Variants in GATAD2B observed in about 807,000 individuals in gnomAD.
GATAD2B encodes transcriptional repressor p66-beta.
Under a neutral mutation model 64.3 loss-of-function variants are expected in GATAD2B, and 8 were observed. The observed-to-expected ratio is 0.12, with a 90% confidence interval of 0.07 to 0.22. The LOEUF (loss-of-function observed/expected upper bound fraction) is 0.22. GATAD2B is among the 10% of genes least tolerant of loss of function. The probability of loss-of-function intolerance (pLI) is 1.00; values close to 1 mark genes in which losing one functional copy is unlikely to be tolerated. For missense variants in GATAD2B, 453 were observed against 752.0 expected (o/e 0.60, Z 4.65); for synonymous variants, 281 against 271.3 (o/e 1.04, Z -0.35).
intron 1 of GATAD2B, among the ~76,000 whole-genome samples, chr1:153,885,539 T>C (rs938982134): frequency 6.6e-6 from 1 of 151,936 alleles, no homozygotes; most frequent in Non-Finnish European, 1.5e-5. Context: ...CTGGCCAACA[T>C]GGTGAAACCC....
At chr1:153,847,077 G>A (rs1246558256) in intron 1 of GATAD2B, among the ~76,000 whole-genome samples, 1 of 150,298 alleles carries the variant, frequency 6.7e-6, no homozygotes, top group Non-Finnish European at 1.5e-5. Flanking sequence ...AGTGATTCTT[G>A]TGCCTCAGCC....
At chr1:153,876,042 T>A (rs1245563643) in intron 1 of GATAD2B, among the ~76,000 whole-genome samples, 1 of 151,162 alleles carries the variant, frequency 6.6e-6, no homozygotes, top group South Asian at 2.1e-4. Flanking sequence ...GCGTGGCCAA[T>A]ATGGTGAAAC....
intron 1 of GATAD2B, chr1:153,890,549 C>A (rs980631203): frequency 2.6e-5 from 4 of 151,430 alleles, no homozygotes; most frequent in Non-Finnish European, 4.4e-5. Flanking sequence ...GCCAGCCTGG[C>A]AGCTGCTCTT....
chr1:153,827,928 C>A, intron 2 of GATAD2B, 85 bp downstream of exon 2: 1 of 916,272 alleles, frequency 1.1e-6, no homozygotes, highest in Non-Finnish European at 1.7e-6. Flanking sequence ...GGATGAAAAA[C>A]ACCCTCCTCT....
chr1:153,896,679 G>A lies in GATAD2B; in HGVS notation c.-2+26054C>T, dbSNP rs1234673509. ...TCCAATTCCCAACCTCAGGTGATCC[G>A]CCTGGCTCGGCCTCCCAAAGTGCTG... On this transcript the variant is annotated intron_variant, in intron 1 of 10. Transcript: ENST00000368655. Among the ~76,000 whole-genome samples the A allele has an allele frequency of 5.3e-5, 8 of 152,112 alleles. 1 individual carries two copies. Among genetic ancestry groups the A allele is most frequent in the East Asian group, 3.9e-4 (2 of 5,166 alleles).
At chr1:153,912,962 G>A (rs1040047341) in intron 1 of GATAD2B, among the ~76,000 whole-genome samples, 2 of 152,060 alleles carry the variant, frequency 1.3e-5, no homozygotes, top group African/African-American at 4.8e-5. Context: ...GCGTGGTGGA[G>A]GGCACCTCCC....
At chr1:153,897,509 C>G (rs1677632512) in intron 1 of GATAD2B, among the ~76,000 whole-genome samples, 1 of 152,178 alleles carries the variant, frequency 6.6e-6, no homozygotes, top group African/African-American at 2.4e-5. Flanking sequence ...TTGGTGCTAA[C>G]TATCTCAGAC....
In GATAD2B at chr1:153,810,462, C is replaced by CTTTCTT. The variant is rs368442958; in HGVS notation, c.1649-158_1649-153dup. Reference sequence around the variant, plus strand: ...TTGGTTAGCTTTATTTCAACAGCAACTTTCTTTTTCTTTTTTGAGATGCAG... The same window carrying CTTTCTT: ...TTGGTTAGCTTTATTTCAACAGCAACTTTCTTTTTCTTTTTCTTTTTTGAGATGCAG... On this transcript the variant is annotated intron_variant, in intron 10 of 10. Coordinates refer to ENST00000368655, the MANE Select transcript of GATAD2B (RefSeq NM_020699.4). The CTTTCTT allele has an allele frequency of 2.2e-4, 161 of 731,184 alleles. 1 individual carries two copies. In the African/African-American group the frequency reaches 2.8e-3, roughly 13 times the overall value. 45.3% of individuals were successfully genotyped at this position (731,184 alleles called of 1,614,324 possible).
intron 1 of GATAD2B, among the ~76,000 whole-genome samples, chr1:153,904,265 C>A (rs891953461): frequency 6.6e-6 from 1 of 150,916 alleles, no homozygotes; most frequent in African/African-American, 2.4e-5. Flanking sequence ...GGGTGAAACA[C>A]TGAAACTCCA....
intron 1 of GATAD2B, among the ~76,000 whole-genome samples, chr1:153,870,489 C>T: frequency 6.6e-6 from 1 of 152,066 alleles, no homozygotes; most frequent in East Asian, 1.9e-4. Context: ...AGGAGAATGG[C>T]GTGAACCCAG....
chr1:153,825,622 C>T lies in GATAD2B; in HGVS notation c.335+2391G>A, dbSNP rs1398662005. Among the ~76,000 whole-genome samples, 3 of 152,176 alleles carry T rather than the reference C, an allele frequency of 2.0e-5. No homozygotes were observed. The East Asian group carries it at 5.8e-4, about 29-fold the overall frequency. The stretch of plus-strand genomic sequence containing the variant: ...CATATTTTTAGTAGAGACAAGGTTT[C>T]ACCATGTTGGCCAGGCTGGTCTCAA... On this transcript the variant is annotated intron_variant, in intron 2 of 10. Coordinates refer to ENST00000368655, the MANE Select transcript of GATAD2B (RefSeq NM_020699.4).
intron 1 of GATAD2B, among the ~76,000 whole-genome samples, chr1:153,882,000 C>G (rs1254137814): frequency 6.6e-6 from 1 of 152,078 alleles, no homozygotes; most frequent in Non-Finnish European, 1.5e-5. Context: ...ACAAAAGAAA[C>G]AGGGGGATGC....
In GATAD2B at chr1:153,806,252, C is replaced by T. The variant is rs1305559982; in HGVS notation, c.*3925G>A. ...CCTCCCAGCCCCCAGCACTTCCCCA[C>T]AGTATCAACCTAATGCTGGGGGATA... On this transcript the variant is annotated 3_prime_UTR_variant, in exon 11 of 11. Coordinates refer to ENST00000368655, the MANE Select transcript of GATAD2B (RefSeq NM_020699.4). The T allele has an allele frequency of 6.6e-6, 1 of 152,198 alleles. No homozygotes were observed. The highest frequency in any genetic ancestry group is 1.9e-4 in the East Asian group (1 of 5,198). 9.4% of individuals were successfully genotyped at this position (152,198 alleles called of 1,614,324 possible).
chr1:153,826,035 G>A (rs923373124), intron 2 of GATAD2B, among the ~76,000 whole-genome samples: 1 of 147,342 alleles, frequency 6.8e-6, no homozygotes, highest in Non-Finnish European at 1.5e-5. Context: ...ACGAAGTCTC[G>A]CTCTGTCGCC....
chr1:153,841,124 CAAAAAAAAA>C (rs941317761), intron 1 of GATAD2B, among the ~76,000 whole-genome samples: 4 of 77,438 alleles, frequency 5.2e-5, no homozygotes, highest in Non-Finnish European at 1.0e-4. Context: ...GACTCCGTCT[CAAAAAAAAA>C]AAAAAAAAGA....
chr1:153,842,368 TA>T (rs1675526871), intron 1 of GATAD2B, among the ~76,000 whole-genome samples: 2 of 152,228 alleles, frequency 1.3e-5, no homozygotes, highest in Admixed American at 1.3e-4. Flanking sequence ...GTATTTTAGA[TA>T]CTAGTTGTTA....
chr1:153,861,821 T>C (rs1039611483), intron 1 of GATAD2B, among the ~76,000 whole-genome samples: 1 of 131,498 alleles, frequency 7.6e-6, no homozygotes, highest in Non-Finnish European at 1.6e-5. Flanking sequence ...CACATATGTA[T>C]ATATATGTAT....
rs145863585 is a variant in GATAD2B, at chr1:153,816,465, T to A, written c.1024A>T (p.Met342Leu). 1 of 1,614,058 alleles carries A rather than the reference T, an allele frequency of 6.2e-7. No homozygotes were observed. Among genetic ancestry groups the A allele is most frequent in the African/African-American group, 1.3e-5 (1 of 74,924 alleles). The change falls in exon 7 of 11, where the codon ATG becomes TTG. Residue 342 changes from methionine (M) to leucine (L), a missense_variant. Met to Leu is a conservative substitution (Grantham distance 15). This residue lies in a region of GATAD2B where 160 missense variants were observed against 334.7 expected (regional missense o/e 0.48). Coordinates refer to ENST00000368655, the MANE Select transcript of GATAD2B (RefSeq NM_020699.4). This position sits in a 1 kb window ranked among gnomAD's most constrained non-coding sequence, Gnocchi z 4.9. ...GCCTGTGAGTTGGCAGCATCAGTCA[T>A]GGCGCTGGGGCTAGGAAGTGGCGAG... is the stretch of plus-strand genomic sequence containing the variant. ...VSSPLPSPSA[M>L]TDAANSQAAA...
In GATAD2B at chr1:153,852,969, G is replaced by C. The variant is rs1675956219; in HGVS notation, c.-1-24621C>G. On this transcript the variant is annotated intron_variant, in intron 1 of 10. Coordinates refer to ENST00000368655, the MANE Select transcript of GATAD2B (RefSeq NM_020699.4). The stretch of plus-strand genomic sequence containing the variant: ...TAATGCTGCCACTGACACAGACTTG[G>C]GTCTTCTCCACAGTGCCAGTCACTA... 6.5e-6 allele frequency: 6 copies of C among 921,822 alleles called. No individual in the cohort carries two copies. The East Asian group carries it at 1.4e-4, about 22-fold the overall frequency. The allele number at this position is 921,822 out of a possible 1,614,324, so 57.1% of individuals were successfully genotyped here.
Sources: gnomAD v4.1 joint callset for allele counts (sites outside exome capture counted in the v4.1 genomes callset) on GRCh38, gnomAD v4.1.1 for gene constraint, gnomAD v4.1.1 regional missense constraint, Gnocchi (gnomAD v3.1) non-coding constraint, MANE v1.5 for transcripts, NCBI Gene and HGNC (gene_info 2026-07-23, HGNC 2026-07-21) for gene names.